ARK2C: variants seen among roughly 807,000 people sequenced by gnomAD.
ARK2C encodes the protein E3 ubiquitin-protein ligase ARK2C.
At chr18:46,454,004 T>G in the ARK2C span, among the ~76,000 whole-genome samples, 1 of 148,584 alleles carries the variant, frequency 6.7e-6, no homozygotes, top group Non-Finnish European at 1.5e-5. Context: ...TCCCAACCAC[T>G]TAGGAAGCTG....
At chr18:46,378,174 T>C in the ARK2C span, among the ~76,000 whole-genome samples, 128 of 152,298 alleles carry the variant, frequency 8.4e-4, no homozygotes, top group African/African-American at 3.0e-3. Context: ...CACCAAACCA[T>C]TTATCAATTT....
the ARK2C span, among the ~76,000 whole-genome samples, chr18:46,430,618 C>T: frequency 2.2e-4 from 34 of 152,270 alleles, no homozygotes; most frequent in East Asian, 2.1e-3. Context: ...GTTCCTTCAA[C>T]GTTTGCATCT....
chr18:46,428,028 C>CT, the ARK2C span, among the ~76,000 whole-genome samples: 1 of 152,198 alleles, frequency 6.6e-6, no homozygotes, highest in African/African-American at 2.4e-5. Context: ...CCAGAGAAAG[C>CT]TGAAGGCTCC....
chr18:46,431,727 C>A, the ARK2C span, among the ~76,000 whole-genome samples: 2 of 152,214 alleles, frequency 1.3e-5, no homozygotes, highest in Non-Finnish European at 2.9e-5. Flanking sequence ...AAGTCACTGC[C>A]TTGCATGAGA....
chr18:46,434,583 A>C, the ARK2C span, among the ~76,000 whole-genome samples: 3 of 152,204 alleles, frequency 2.0e-5, no homozygotes, highest in African/African-American at 7.2e-5. Flanking sequence ...TGAAAAGGCA[A>C]ATAGCCTTAT....
At chr18:46,376,418 G>A in the ARK2C span, among the ~76,000 whole-genome samples, 1 of 152,220 alleles carries the variant, frequency 6.6e-6, no homozygotes, top group African/African-American at 2.4e-5. Context: ...GCCTAGTTTT[G>A]AACTTTGTTC....
At chr18:46,438,705 T>G in the ARK2C span, among the ~76,000 whole-genome samples, 1 of 152,202 alleles carries the variant, frequency 6.6e-6, no homozygotes, top group Non-Finnish European at 1.5e-5. Context: ...CCTGTGAATA[T>G]GAGGGGCTGA....
the ARK2C span, among the ~76,000 whole-genome samples, chr18:46,405,679 C>G: frequency 6.6e-6 from 1 of 151,994 alleles, no homozygotes; most frequent in Non-Finnish European, 1.5e-5. Flanking sequence ...GAGCAGGGCC[C>G]GGTAAATGGA....
the ARK2C span, among the ~76,000 whole-genome samples, chr18:46,359,543 TAGAG>T: frequency 1.3e-5 from 2 of 152,094 alleles, no homozygotes; most frequent in Non-Finnish European, 2.9e-5. Flanking sequence ...GGGCTGGAGA[TAGAG>T]AGCCAAGAGA....
chr18:46,408,481 A>G, the ARK2C span, among the ~76,000 whole-genome samples: 1 of 152,234 alleles, frequency 6.6e-6, no homozygotes, highest in African/African-American at 2.4e-5. Flanking sequence ...TTCAAATTCC[A>G]GGTCTAACCC....
chr18:46,445,580 C>T, the ARK2C span, among the ~76,000 whole-genome samples: 1 of 152,156 alleles, frequency 6.6e-6, no homozygotes, highest in Admixed American at 6.5e-5. Flanking sequence ...ATCATGGTAC[C>T]ACAACTTTCA....
chr18:46,453,349 C>T, the ARK2C span, among the ~76,000 whole-genome samples: 1 of 152,138 alleles, frequency 6.6e-6, no homozygotes, highest in Non-Finnish European at 1.5e-5. Context: ...GGAGCAGCAC[C>T]TGTGTCCCGG....
the ARK2C span, among the ~76,000 whole-genome samples, chr18:46,431,143 G>C: frequency 1.3e-5 from 2 of 152,154 alleles, no homozygotes; most frequent in African/African-American, 4.8e-5. Context: ...AGCATGCGGT[G>C]TTTGGTTTTC....
the ARK2C span, chr18:46,450,411 C>A: frequency 6.3e-7 from 1 of 1,577,510 alleles, no homozygotes; most frequent in Non-Finnish European, 8.7e-7. Context: ...GTATGTTGCT[C>A]TGTCTGGTAC....
At chr18:46,370,482 G>T in the ARK2C span, among the ~76,000 whole-genome samples, 1 of 152,208 alleles carries the variant, frequency 6.6e-6, no homozygotes, top group Non-Finnish European at 1.5e-5. Flanking sequence ...TCCCCAGTCA[G>T]GGTCTGTGAT....
the ARK2C span, among the ~76,000 whole-genome samples, chr18:46,383,081 G>T: frequency 1.3e-5 from 2 of 152,248 alleles, no homozygotes; most frequent in Non-Finnish European, 2.9e-5. Flanking sequence ...CTTCTTCTCA[G>T]CATGCTGGGC....
At chr18:46,405,795 G>A in the ARK2C span, among the ~76,000 whole-genome samples, 1 of 152,184 alleles carries the variant, frequency 6.6e-6, no homozygotes, top group African/African-American at 2.4e-5. Flanking sequence ...AAGGTCTGGG[G>A]ATGGTGAGAG....
the ARK2C span, among the ~76,000 whole-genome samples, chr18:46,402,511 G>A: frequency 1.3e-5 from 2 of 151,652 alleles, no homozygotes; most frequent in African/African-American, 2.4e-5. Context: ...CTTTCTACAT[G>A]TGTGTGTTTT....
At chr18:46,447,348 C>T in the ARK2C span, 16 of 563,776 alleles carry the variant, frequency 2.8e-5, no homozygotes, top group East Asian at 4.6e-4. Context: ...GCCTGGATTG[C>T]TCTAGCTCCT....
Sources: gnomAD v4.1 joint callset for allele counts (sites outside exome capture counted in the v4.1 genomes callset) on GRCh38, gnomAD v4.1.1 for gene constraint, MANE v1.5 for transcripts, NCBI Gene and HGNC (gene_info 2026-07-23, HGNC 2026-07-21) for gene names.